NUP188: variants seen among roughly 807,000 people sequenced by gnomAD.
The protein encoded by NUP188 is nucleoporin NUP188.
In NUP188, 97 loss-of-function variants were observed where a neutral mutation model predicts 223.0. The ratio of observed to expected loss-of-function variants is 0.43; its 90% CI spans 0.37 to 0.51. The LOEUF is 0.51. Among genes scored for constraint, NUP188 ranks in the 20% least tolerant of loss-of-function variants. The pLI, the probability that NUP188 is intolerant of heterozygous loss-of-function variation, is 0.00. For synonymous variants in NUP188, 869 were observed against 828.0 expected (o/e 1.05, Z -0.85); for missense variants, 1,947 against 2,175.6 (o/e 0.89, Z 2.09).
At position 128,988,155 on chromosome 9, in the gene NUP188, G is replaced by A; in HGVS notation, c.2502G>A (p.Val834=). 6.2e-7 allele frequency: 1 copy of A among 1,614,066 alleles called. No homozygotes were observed. Among genetic ancestry groups the A allele is most frequent in the Non-Finnish European group, 8.5e-7 (1 of 1,179,994 alleles). The part of the protein sequence containing the change: ...VIRLKPPSNV[V]SPLEQALSQH... ...GGCTGAAACCTCCTTCTAATGTGGT[G>A]TCCCCCCTGGAACAGGCTCTCTCAC... Residue 834 remains valine, a synonymous_variant, in exon 24 of 44, where the codon GTG becomes GTA. Coordinates refer to ENST00000372577, the MANE Select transcript of NUP188 (RefSeq NM_015354.3).
chr9:128,947,775 G>C (rs1841707602), intron 1 of NUP188, 24 bp downstream of exon 1: 1 of 1,404,250 alleles, frequency 7.1e-7, no homozygotes, highest in Non-Finnish European at 9.3e-7. Flanking sequence ...CGAATGGACC[G>C]GGGTGGCTGT....
intron 24 of NUP188, among the ~76,000 whole-genome samples, chr9:128,989,483 G>A (rs1842384158): frequency 6.6e-6 from 1 of 151,356 alleles, no homozygotes; most frequent in Non-Finnish European, 1.5e-5. Context: ...GGCGGATCAC[G>A]AGGTCAGGAG....
Position 129,002,089 on chromosome 9 carries a change from C to G in NUP188, c.4137+113C>G. 3.7e-6 allele frequency: 3 copies of G among 806,400 alleles called. No homozygotes were observed. In the South Asian group the frequency reaches 4.5e-5, roughly 12 times the overall value. The allele number at this position is 806,400 out of a possible 1,614,324, so 50.0% of individuals were successfully genotyped here. ...TTGCTTTCCTCTAAATTGCCTAATACACTGATGGTGAGGAATCTTCCCTGC... is the reference window on the plus strand; with the variant it reads ...TTGCTTTCCTCTAAATTGCCTAATAGACTGATGGTGAGGAATCTTCCCTGC... On this transcript the variant is annotated intron_variant, in intron 36 of 43. Transcript: ENST00000372577.
rs1420122159 is a variant in NUP188 at position 128,998,009 on chromosome 9, A to G, written c.3352-142A>G. 1.2e-5 allele frequency: 8 copies of G among 673,884 alleles called. No homozygotes were observed. In the East Asian group the frequency reaches 1.6e-4, roughly 13 times the overall value. The allele number at this position is 673,884 out of a possible 1,614,324, so 41.7% of individuals were successfully genotyped here. A position where few individuals can be genotyped will look rare whatever the true frequency, so the allele number is the denominator to read the frequency against. ...GTTAGGATTACAGGCATGAGCCACC[A>G]CGCCCGGCCTATATAAGCCCTATTT... On this transcript the variant is annotated intron_variant, in intron 30 of 43. Coordinates refer to ENST00000372577, the MANE Select transcript of NUP188 (RefSeq NM_015354.3).
At chr9:128,986,780 A>G (rs1842339576) in intron 21 of NUP188, 29 bp from the exon 22 acceptor site, 6 of 1,613,844 alleles carry the variant, frequency 3.7e-6, no homozygotes, top group Non-Finnish European at 5.1e-6. Context: ...ACAAGGCCAC[A>G]TCATTCCTCT....
At chr9:128,980,234 G>C (rs1202152620) in intron 13 of NUP188, among the ~76,000 whole-genome samples, 1 of 152,184 alleles carries the variant, frequency 6.6e-6, no homozygotes, top group East Asian at 1.9e-4. Flanking sequence ...AGAAGGAGAA[G>C]CTGGTATGAA....
rs761198792 is a variant in NUP188, at chr9:128,982,717, G to A, written c.1669+16G>A. On this transcript the variant is annotated intron_variant, in intron 16 of 43. Transcript: ENST00000372577. ...TCAACTGCAGGTAAGGTCAGCTTTC[G>A]GAAACATCACCTACGAGGAGGAAAA... is the stretch of plus-strand genomic sequence containing the variant. 3.4e-5 allele frequency: 55 copies of A among 1,612,516 alleles called. No homozygotes were observed. The highest frequency in any genetic ancestry group is 4.4e-5 in the Non-Finnish European group (52 of 1,179,446).
chr9:128,993,371 C>T lies in NUP188; in HGVS notation c.2815C>T (p.Leu939=). Residue 939 remains leucine, a synonymous_variant, in exon 26 of 44, where the codon CTG becomes TTG. Coordinates refer to ENST00000372577, the MANE Select transcript of NUP188 (RefSeq NM_015354.3). Reference sequence around the variant, plus strand: ...AGGCCTCATCGAACTGTTTCTGAACCTGGAAGTTAAGGATGGCAGTGATGG... The same window carrying T: ...AGGCCTCATCGAACTGTTTCTGAACTTGGAAGTTAAGGATGGCAGTGATGG... ...QPGLIELFLN[L]EVKDGSDGSK... The T allele has an allele frequency of 1.2e-6, 2 of 1,614,184 alleles. No individual in the cohort carries two copies. Among genetic ancestry groups the T allele is most frequent in the Non-Finnish European group, 8.5e-7 (1 of 1,180,032 alleles).
chr9:128,955,142 C>T (rs1481464591), intron 3 of NUP188, among the ~76,000 whole-genome samples: 6 of 150,918 alleles, frequency 4.0e-5, no homozygotes, highest in African/African-American at 1.2e-4. Context: ...TGAGCCACCA[C>T]GCCTGGCCAA....
chr9:128,983,617 C>A, intron 19 of NUP188, 67 bp downstream of exon 19: 1 of 1,043,096 alleles, frequency 9.6e-7, no homozygotes, highest in Non-Finnish European at 1.4e-6. Context: ...CAGATCTAGC[C>A]TAGGTTTATT....
At chr9:128,969,649 C>CGTTTT (rs1476209978) in intron 10 of NUP188, 135 bp downstream of exon 10, 11 of 536,154 alleles carry the variant, frequency 2.1e-5, no homozygotes, top group Non-Finnish European at 1.9e-5. Context: ...ACAATGTTTT[C>CGTTTT]GTTTTGTTTT....
Position 128,991,821 on chromosome 9 carries a change from C to T in NUP188, c.2641-1376C>T, listed in dbSNP as rs922074833. 6.3e-4 allele frequency among the ~76,000 whole-genome samples: 87 copies of T among 138,698 alleles called. 1 individual carries two copies. Among genetic ancestry groups the T allele is most frequent in the Admixed American group, 1.3e-3 (17 of 13,514 alleles). 91.0% of individuals were successfully genotyped at this position (138,698 alleles called of 152,430 possible). ...TCACACCACTGTGCTCCAGCCTGGG[C>T]GACAGAGTCAAAAAAAAAAAAAAAA... On this transcript the variant is annotated intron_variant, in intron 25 of 43. Transcript: ENST00000372577.
At chr9:129,002,030 T>C (rs1842680727) in intron 36 of NUP188, 54 bp downstream of exon 36, 1 of 1,407,732 alleles carries the variant, frequency 7.1e-7, no homozygotes, top group South Asian at 1.2e-5. Flanking sequence ...ACAGTTCCAG[T>C]TGAAAAGTGT....
rs1842125987 is a variant in NUP188, at chr9:128,973,191, A to G, written c.1145A>G (p.Tyr382Cys). The G allele has an allele frequency of 1.2e-6, 2 of 1,613,566 alleles. No individual in the cohort carries two copies. The highest frequency in any genetic ancestry group is 2.2e-5 in the East Asian group (1 of 44,884). Residue 382 changes from tyrosine (Y) to cysteine (C), a missense_variant, in exon 12 of 44, where the codon TAT becomes TGT. Transcript: ENST00000372577. Reference sequence around the variant, plus strand: ...ACCAGCACTGCATGCATGTGTGTCTATGGACTGCTCTCTTTCGTTCTGACC... The same window carrying G: ...ACCAGCACTGCATGCATGTGTGTCTGTGGACTGCTCTCTTTCGTTCTGACC... ...CTTSTACMCV[Y>C]GLLSFVLTSL... is the part of the protein sequence containing the mutation.
In NUP188 at chr9:128,983,294, T is replaced by C. The variant is rs774602049; in HGVS notation, c.1798T>C (p.Leu600=). The change falls in exon 18 of 44, where the codon TTA becomes CTA. Residue 600 remains leucine (L), a splice_region_variant and synonymous_variant. Coordinates refer to ENST00000372577, the MANE Select transcript of NUP188 (RefSeq NM_015354.3). ...TATAGTGTATTGTTCTCCAACCAGG[T>C]TAACGACAGTGATCTCCCCACCTGT... ...TSRIYMLLQR[L]TTVISPPVDV... is the part of the protein sequence containing the mutation. 1.2e-6 allele frequency: 2 copies of C among 1,613,832 alleles called. No individual in the cohort carries two copies. The highest frequency in any genetic ancestry group is 1.7e-5 in the Admixed American group (1 of 59,998).
Position 128,999,515 on chromosome 9 carries a change from C to A in NUP188, c.3662-109C>A, listed in dbSNP as rs1443517174. 6 of 1,245,316 alleles carry A rather than the reference C, an allele frequency of 4.8e-6. No homozygotes were observed. The African/African-American group carries it at 5.9e-5, about 12-fold the overall frequency. The allele number at this position is 1,245,316 out of a possible 1,614,324, so 77.1% of individuals were successfully genotyped here. ...CTCTCCCACTGGACAGATGCTGTCC[C>A]TCCTAGCGCCCTAGTACATCTCCAG... is the stretch of plus-strand genomic sequence containing the variant. On this transcript the variant is annotated intron_variant, in intron 33 of 43. Coordinates refer to ENST00000372577, the MANE Select transcript of NUP188 (RefSeq NM_015354.3).
chr9:128,986,213 G>A (rs554777060), intron 20 of NUP188, among the ~76,000 whole-genome samples: 3 of 152,110 alleles, frequency 2.0e-5, no homozygotes, highest in Non-Finnish European at 2.9e-5. Flanking sequence ...TGAGGTTAGG[G>A]ACGGCTGGCA....
Position 128,969,318 on chromosome 9 carries a change from C to T in NUP188, c.798-82C>T, listed in dbSNP as rs41275934. 1.8e-3 allele frequency: 1,462 copies of T among 822,920 alleles called. 8 individuals are homozygous for T. Among genetic ancestry groups the T allele is most frequent in the Non-Finnish European group, 2.4e-3 (1,221 of 500,490 alleles). 51.0% of individuals were successfully genotyped at this position (822,920 alleles called of 1,614,324 possible). Reference sequence around the variant, plus strand: ...CTGGCCCAATAGGTTTTTTTGATATCGCAGTGTCTTATATCTCACCTTTGT... The same window carrying T: ...CTGGCCCAATAGGTTTTTTTGATATTGCAGTGTCTTATATCTCACCTTTGT... On this transcript the variant is annotated intron_variant, in intron 9 of 43. Coordinates refer to ENST00000372577, the MANE Select transcript of NUP188 (RefSeq NM_015354.3).
chr9:128,975,342 G>A (rs1842161350), intron 12 of NUP188, among the ~76,000 whole-genome samples: 1 of 146,924 alleles, frequency 6.8e-6, no homozygotes, highest in Non-Finnish European at 1.5e-5. Flanking sequence ...TCCTGCCTCA[G>A]CCTCCCGAGT....
Sources: gnomAD v4.1 joint callset for allele counts (sites outside exome capture counted in the v4.1 genomes callset) on GRCh38, gnomAD v4.1.1 for gene constraint, MANE v1.5 for transcripts, NCBI Gene and HGNC (gene_info 2026-07-23, HGNC 2026-07-21) for gene names.